The following ANO3 variants were observed in gnomAD, a reference collection of about 807,000 sequenced individuals.
The protein encoded by ANO3 is anoctamin 3.
In ANO3, 99 loss-of-function variants were observed where a neutral mutation model predicts 144.8. The observed-to-expected ratio is 0.68, with a 90% CI of 0.58 to 0.81. The LOEUF is 0.81. Ranked by LOEUF, ANO3 falls within the 30% of genes least tolerant of loss-of-function variation. The pLI is 0.00. For synonymous variants in ANO3, 414 were observed against 392.6 expected, an observed-to-expected ratio of 1.05 and a Z score of -0.64; for missense variants, 905 against 1,202.2, an observed-to-expected ratio of 0.75 and a Z score of 3.66.
At chr11:26,189,286 A>C in exon 1 of ANO3, 1 of 985,324 alleles carries the variant, frequency 1.0e-6, no homozygotes, top group Non-Finnish European at 1.2e-6. Context: ...CTCTCTGGTG[A>C]TTCTAGTCAA....
intron 4 of ANO3, among the ~76,000 whole-genome samples, chr11:26,493,058 G>A (rs1385835586): frequency 6.6e-6 from 1 of 152,162 alleles, no homozygotes; most frequent in Non-Finnish European, 1.5e-5. Flanking sequence ...GAGTGTAAAG[G>A]ACGTCACTTT....
At chr11:26,437,368 T>C (rs1452773152) in intron 1 of ANO3, among the ~76,000 whole-genome samples, 1 of 152,168 alleles carries the variant, frequency 6.6e-6, no homozygotes, top group Non-Finnish European at 1.5e-5. Flanking sequence ...GGGGATCTTC[T>C]AACCTGAGGG....
chr11:26,583,356 T>C (rs1278643481), intron 14 of ANO3, among the ~76,000 whole-genome samples: 2 of 152,164 alleles, frequency 1.3e-5, no homozygotes, highest in African/African-American at 4.8e-5. Context: ...TTAACGTTTT[T>C]AGAGAAATGA....
intron 1 of ANO3, among the ~76,000 whole-genome samples, chr11:26,374,409 GA>G (rs1408955811): frequency 6.6e-6 from 1 of 152,102 alleles, no homozygotes; most frequent in South Asian, 2.1e-4. Flanking sequence ...GAAGATTACT[GA>G]ACACGTGTTT....
At chr11:26,504,604 G>T (rs1047378711) in intron 4 of ANO3, among the ~76,000 whole-genome samples, 1 of 150,752 alleles carries the variant, frequency 6.6e-6, no homozygotes, top group African/African-American at 2.5e-5. Flanking sequence ...GTGGGATCAA[G>T]AGTGAGGAGT....
chr11:26,468,777 T>C (rs1378218656), intron 4 of ANO3, among the ~76,000 whole-genome samples: 1 of 152,020 alleles, frequency 6.6e-6, no homozygotes, highest in Non-Finnish European at 1.5e-5. Context: ...AACTTGGCTC[T>C]ATATGGCTGC....
chr11:26,253,928 G>A (rs967606649), intron 1 of ANO3, among the ~76,000 whole-genome samples: 9 of 152,024 alleles, frequency 5.9e-5, no homozygotes, highest in Admixed American at 2.0e-4. Flanking sequence ...ACCAAATGTC[G>A]AGCGAATTTT....
At chr11:26,629,100 AC>A (rs1852685967) in intron 18 of ANO3, among the ~76,000 whole-genome samples, 1 of 152,132 alleles carries the variant, frequency 6.6e-6, no homozygotes, top group Non-Finnish European at 1.5e-5. Flanking sequence ...CACTGTGGAC[AC>A]CAGTTTAACT....
intron 7 of ANO3, among the ~76,000 whole-genome samples, chr11:26,526,435 A>G (rs1849165756): frequency 1.3e-5 from 2 of 152,162 alleles, no homozygotes; most frequent in South Asian, 4.1e-4. Flanking sequence ...TAACAAAGAT[A>G]AAGCATGTGA....
intron 1 of ANO3, among the ~76,000 whole-genome samples, chr11:26,325,310 G>C (rs1459416524): frequency 1.3e-5 from 2 of 152,038 alleles, no homozygotes; most frequent in African/African-American, 2.4e-5. Context: ...ATAGATTCCA[G>C]TGTATATTTG....
intron 1 of ANO3, among the ~76,000 whole-genome samples, chr11:26,430,295 C>CAT (rs896202789): frequency 4.0e-5 from 6 of 150,160 alleles, no homozygotes; most frequent in Admixed American, 3.3e-4. Flanking sequence ...TAAGGTAGAT[C>CAT]ATATATATAT....
At chr11:26,502,043 C>G (rs1861217523) in intron 4 of ANO3, among the ~76,000 whole-genome samples, 1 of 152,142 alleles carries the variant, frequency 6.6e-6, no homozygotes, top group South Asian at 2.1e-4. Flanking sequence ...CAAAATTATA[C>G]GTAAAGGACT....
At chr11:26,368,611 G>T (rs1856160055) in intron 1 of ANO3, among the ~76,000 whole-genome samples, 1 of 151,992 alleles carries the variant, frequency 6.6e-6, no homozygotes, top group Non-Finnish European at 1.5e-5. Context: ...GACAGATTGA[G>T]AGATAGAGAC....
At chr11:26,335,268 G>T (rs1387884758) in intron 1 of ANO3, among the ~76,000 whole-genome samples, 1 of 152,144 alleles carries the variant, frequency 6.6e-6, no homozygotes, top group Non-Finnish European at 1.5e-5. Context: ...TTAGCAGTTT[G>T]TCTGACACAC....
intron 1 of ANO3, among the ~76,000 whole-genome samples, chr11:26,430,541 A>T (rs2134009485): frequency 6.6e-6 from 1 of 152,312 alleles, no homozygotes; most frequent in African/African-American, 2.4e-5. Flanking sequence ...CATCAATAAA[A>T]ATGGAAGGAT....
intron 26 of ANO3, among the ~76,000 whole-genome samples, chr11:26,657,824 C>T (rs1853740898): frequency 6.6e-6 from 1 of 152,106 alleles, no homozygotes; most frequent in Admixed American, 6.6e-5. Context: ...ACGTTTAGAA[C>T]ATTTTTTCTG....
intron 1 of ANO3, among the ~76,000 whole-genome samples, chr11:26,237,124 A>G (rs1852549923): frequency 6.6e-6 from 1 of 152,082 alleles, no homozygotes; most frequent in Non-Finnish European, 1.5e-5. Context: ...CTCCCGGAGT[A>G]TTGTCAATGT....
intron 26 of ANO3, 78 bp from the exon 27 acceptor site, chr11:26,660,184 A>C: frequency 7.6e-7 from 1 of 1,322,110 alleles, no homozygotes; most frequent in Non-Finnish European, 1.1e-6. Flanking sequence ...CAAATGCAAC[A>C]TTGTTCATTG....
intron 1 of ANO3, among the ~76,000 whole-genome samples, chr11:26,403,077 C>T (rs1428844201): frequency 6.6e-6 from 1 of 151,864 alleles, no homozygotes; most frequent in Non-Finnish European, 1.5e-5. Context: ...TTTTTGTATA[C>T]TTACCTACAT....
Sources: gnomAD v4.1 joint callset for allele counts (sites outside exome capture counted in the v4.1 genomes callset) on GRCh38, gnomAD v4.1.1 for gene constraint, MANE v1.5 for transcripts, NCBI Gene and HGNC (gene_info 2026-07-23, HGNC 2026-07-21) for gene names.